MBLAC2: variants seen among roughly 807,000 people sequenced by gnomAD.
MBLAC2 encodes metallo-beta-lactamase domain containing 2.
A neutral mutation model predicts 23.3 loss-of-function variants in MBLAC2; 24 were observed. That is an observed-to-expected ratio of 1.03 (90% CI 0.75 to 1.45). The LOEUF is 1.45. MBLAC2 is among the 40% of genes most tolerant of loss of function. The probability of loss-of-function intolerance (pLI) is 0.00; values close to 1 mark genes in which losing one functional copy is unlikely to be tolerated. For synonymous variants in MBLAC2, 162 were observed against 150.9 expected, an observed-to-expected ratio of 1.07 and a Z score of -0.54; for missense variants, 358 against 370.0, an observed-to-expected ratio of 0.97 and a Z score of 0.27.
At chr5:90,461,809 G>A (rs1041807693) in intron 1 of MBLAC2, among the ~76,000 whole-genome samples, 1 of 152,120 alleles carries the variant, frequency 6.6e-6, no homozygotes, top group Non-Finnish European at 1.5e-5. Flanking sequence ...ATGAAAAGGA[G>A]GTAGTTCTGT....
At chr5:90,470,234 T>TGGTTA (rs1750522423) in intron 1 of MBLAC2, among the ~76,000 whole-genome samples, 1 of 152,106 alleles carries the variant, frequency 6.6e-6, no homozygotes, top group Non-Finnish European at 1.5e-5. Flanking sequence ...ATGAAGAGAT[T>TGGTTA]GGTTAATAGG....
chr5:90,474,650 C>T lies in MBLAC2; in HGVS notation c.-358G>A. On this transcript the variant is annotated 5_prime_UTR_variant, in exon 1 of 2. Coordinates refer to ENST00000316610, the MANE Select transcript of MBLAC2 (RefSeq NM_203406.2). ...CTCAGGTGGCGACCGTTTCGCCACC[C>T]CGGGCGTGTGACAGCAGAGGCCCGC... The T allele has an allele frequency of 3.3e-6, 1 of 300,592 alleles. No homozygotes were observed. The highest frequency in any genetic ancestry group is 3.2e-5 in the South Asian group (1 of 31,482). 18.6% of individuals were successfully genotyped at this position (300,592 alleles called of 1,614,324 possible).
rs1028921673 is a variant in MBLAC2, at chr5:90,459,344, T to C, written c.*1823A>G. On this transcript the variant is annotated 3_prime_UTR_variant, in exon 2 of 2. Transcript: ENST00000316610. ...AGTTCAGCTTGTCTCCCATTAACAA[T>C]GACTCATATACACAATCACAAATCA... The C allele has an allele frequency of 5.9e-5, 9 of 152,410 alleles. 1 individual carries two copies. Among genetic ancestry groups the C allele is most frequent in the African/African-American group, 2.2e-4 (9 of 41,572 alleles). 9.4% of individuals were successfully genotyped at this position (152,410 alleles called of 1,614,324 possible).
At chr5:90,473,380 C>T (rs547714091) in intron 1 of MBLAC2, 2 of 390,500 alleles carry the variant, frequency 5.1e-6, no homozygotes, top group African/African-American at 4.3e-5. Context: ...CCGGTGGGGA[C>T]CAAGCTGATG....
chr5:90,467,924 T>A (rs1055006235), intron 1 of MBLAC2, among the ~76,000 whole-genome samples: 1 of 152,180 alleles, frequency 6.6e-6, no homozygotes, highest in South Asian at 2.1e-4. Context: ...TCCCTCAGCA[T>A]TTGTTTGTCT....
chr5:90,463,781 A>G (rs191418364), intron 1 of MBLAC2, among the ~76,000 whole-genome samples: 1 of 152,312 alleles, frequency 6.6e-6, no homozygotes, highest in East Asian at 1.9e-4. Flanking sequence ...CAACAGAAAA[A>G]AACAGATGAA....
intron 1 of MBLAC2, chr5:90,472,439 TTTTA>T (rs1463334497): frequency 2.0e-5 from 3 of 150,830 alleles, no homozygotes; most frequent in African/African-American, 7.4e-5. Flanking sequence ...CAGTTTTTTT[TTTTA>T]AATTTAGATT....
chr5:90,467,115 G>A (rs1412436338), intron 1 of MBLAC2, among the ~76,000 whole-genome samples: 1 of 152,114 alleles, frequency 6.6e-6, no homozygotes, highest in African/African-American at 2.4e-5. Context: ...CTGGGCAAGA[G>A]AGAGACTCCA....
chr5:90,462,152 C>T (rs1750378774), intron 1 of MBLAC2, among the ~76,000 whole-genome samples: 1 of 151,956 alleles, frequency 6.6e-6, no homozygotes, highest in South Asian at 2.1e-4. Context: ...AATCTCTGAC[C>T]CAGGAACCTC....
intron 1 of MBLAC2, among the ~76,000 whole-genome samples, chr5:90,467,372 A>C (rs1381836285): frequency 6.6e-6 from 1 of 152,152 alleles, no homozygotes; most frequent in Non-Finnish European, 1.5e-5. Flanking sequence ...CTCCAGTGTT[A>C]GGTGCATATA....
Position 90,474,086 on chromosome 5 carries a change from T to C in MBLAC2, c.207A>G (p.Lys69=), listed in dbSNP as rs1392747920. 1.4e-5 allele frequency: 22 copies of C among 1,575,332 alleles called. No individual in the cohort carries two copies. The highest frequency in any genetic ancestry group is 1.7e-4 in the Middle Eastern group (1 of 6,000). Residue 69 remains lysine (K), a synonymous_variant, in exon 1 of 2, where the codon AAA becomes AAG. Coordinates refer to ENST00000316610, the MANE Select transcript of MBLAC2 (RefSeq NM_203406.2). ...GCAGTGGCCGGCGCGCCGCGTCCTC[T>C]TTGGCCTCTCGGTCCTGCAAGAGGC... ...SSGLLQDREA[K]EDAARRPLLA... is the part of the protein sequence containing the mutation.
Position 90,459,494 on chromosome 5 carries a change from T to C in MBLAC2, c.*1673A>G, listed in dbSNP as rs1308805587. ...CTTATATCCCTATTCTTGGATTGTTTTGTTTCCAACTCTGACTATCTAACA... is the reference window on the plus strand; with the variant it reads ...CTTATATCCCTATTCTTGGATTGTTCTGTTTCCAACTCTGACTATCTAACA... On this transcript the variant is annotated 3_prime_UTR_variant, in exon 2 of 2. Coordinates refer to ENST00000316610, the MANE Select transcript of MBLAC2 (RefSeq NM_203406.2). 1.3e-5 allele frequency: 2 copies of C among 152,122 alleles called. No homozygotes were observed. The highest frequency in any genetic ancestry group is 2.4e-5 in the African/African-American group (1 of 41,456). 9.4% of individuals were successfully genotyped at this position (152,122 alleles called of 1,614,324 possible).
chr5:90,469,917 G>C (rs1002845445), intron 1 of MBLAC2, among the ~76,000 whole-genome samples: 1 of 152,154 alleles, frequency 6.6e-6, no homozygotes, highest in African/African-American at 2.4e-5. Flanking sequence ...GAATACTAAA[G>C]AGATAACTGC....
In MBLAC2 at chr5:90,461,063, TAGTGGTATAAA is replaced by T; in HGVS notation, c.*93_*103del. ...TTCTCAATCTTTCTCTGATATATAATAGTGGTATAAAAGCACTTCATGAAATGCTCACTATT... is the reference window on the plus strand; with the variant it reads ...TTCTCAATCTTTCTCTGATATATAATAGCACTTCATGAAATGCTCACTATT... On this transcript the variant is annotated 3_prime_UTR_variant, in exon 2 of 2. Coordinates refer to ENST00000316610, the MANE Select transcript of MBLAC2 (RefSeq NM_203406.2). The T allele has an allele frequency of 1.1e-6, 1 of 887,604 alleles. No homozygotes were observed. Among genetic ancestry groups the T allele is most frequent in the Non-Finnish European group, 1.7e-6 (1 of 605,476 alleles). The allele number at this position is 887,604 out of a possible 1,614,324, so 55.0% of individuals were successfully genotyped here.
chr5:90,472,932 A>G (rs1750586392), intron 1 of MBLAC2: 1 of 152,220 alleles, frequency 6.6e-6, no homozygotes, highest in Non-Finnish European at 1.5e-5. Context: ...AATCAAAAGT[A>G]TTTTAAAAAG....
chr5:90,472,735 G>C (rs1385631757), intron 1 of MBLAC2: 1 of 152,078 alleles, frequency 6.6e-6, no homozygotes, highest in South Asian at 2.1e-4. Flanking sequence ...CTAAAGGAAA[G>C]AAGGGGCCTT....
At chr5:90,468,539 AGAT>A (rs1750490416) in intron 1 of MBLAC2, among the ~76,000 whole-genome samples, 1 of 152,004 alleles carries the variant, frequency 6.6e-6, no homozygotes, top group Non-Finnish European at 1.5e-5. Flanking sequence ...CTTGATTTCC[AGAT>A]GTTGTAACTG....
chr5:90,474,658 G>A lies in MBLAC2; in HGVS notation c.-366C>T. On this transcript the variant is annotated 5_prime_UTR_variant, in exon 1 of 2. Transcript: ENST00000316610. ...GCGACCGTTTCGCCACCCCGGGCGT[G>A]TGACAGCAGAGGCCCGCAGTGAGGG... is the stretch of plus-strand genomic sequence containing the variant. The A allele has an allele frequency of 1.4e-5, 4 of 296,290 alleles. 1 individual carries two copies. Among genetic ancestry groups the A allele is most frequent in the South Asian group, 1.3e-4 (4 of 31,328 alleles). The allele number at this position is 296,290 out of a possible 1,614,324, so 18.4% of individuals were successfully genotyped here.
In MBLAC2 at chr5:90,459,666, C is replaced by G. The variant is rs903499680; in HGVS notation, c.*1501G>C. ...CTATTATTTATATTTTGTGTGCTTT[C>G]GACTTTTAGTTATAATGTTGTCTTT... On this transcript the variant is annotated 3_prime_UTR_variant, in exon 2 of 2. Transcript: ENST00000316610. 6.6e-6 allele frequency: 1 copy of G among 152,038 alleles called. No homozygotes were observed. The highest frequency in any genetic ancestry group is 6.6e-5 in the Admixed American group (1 of 15,254). 9.4% of individuals were successfully genotyped at this position (152,038 alleles called of 1,614,324 possible). A position where few individuals can be genotyped will look rare whatever the true frequency, so the allele number is the denominator to read the frequency against.
Sources: gnomAD v4.1 joint callset for allele counts (sites outside exome capture counted in the v4.1 genomes callset) on GRCh38, gnomAD v4.1.1 for gene constraint, MANE v1.5 for transcripts, NCBI Gene and HGNC (gene_info 2026-07-23, HGNC 2026-07-21) for gene names.